Variants in RGS6 observed in about 807,000 individuals in gnomAD.
RGS6 encodes the protein regulator of G-protein signaling 6.
RGS6 carries 30 observed loss-of-function variants against 78.5 expected under a neutral mutation model. The ratio of observed to expected loss-of-function variants is 0.38; its 90% CI spans 0.29 to 0.52. The LOEUF is 0.52. RGS6 is among the 20% of genes least tolerant of loss of function. The pLI, the probability that RGS6 is intolerant of heterozygous loss-of-function variation, is 0.85. For synonymous variants in RGS6, 206 were observed against 206.0 expected (o/e 1.00, Z 0.00); for missense variants, 495 against 609.7 (o/e 0.81, Z 1.98).
chr14:72,282,670 A>G (rs766589010), intron 2 of RGS6, among the ~76,000 whole-genome samples: 1 of 152,244 alleles, frequency 6.6e-6, no homozygotes, highest in Admixed American at 6.5e-5. Context: ...GAGTTTGGAC[A>G]TATGCAATTA....
chr14:72,007,145 C>G (rs2084724553), intron 2 of RGS6, among the ~76,000 whole-genome samples: 1 of 92,544 alleles, frequency 1.1e-5, no homozygotes, highest in South Asian at 5.3e-4. Context: ...GCTGAAAGTG[C>G]TTTCTGATTT....
At chr14:71,875,594 A>G in the RGS6 span, among the ~76,000 whole-genome samples, 2 of 152,118 alleles carry the variant, frequency 1.3e-5, no homozygotes, top group African/African-American at 4.8e-5. Context: ...TCAAAAAACC[A>G]GCTCCTGGAT....
chr14:72,333,972 A>T (rs954949752), intron 2 of RGS6, among the ~76,000 whole-genome samples: 5 of 152,140 alleles, frequency 3.3e-5, no homozygotes, highest in Non-Finnish European at 2.9e-5. Context: ...TCTCAAGTGG[A>T]AGTTGTCTCT....
At chr14:71,898,702 G>A in the RGS6 span, among the ~76,000 whole-genome samples, 3 of 151,788 alleles carry the variant, frequency 2.0e-5, no homozygotes, top group Non-Finnish European at 2.9e-5. Flanking sequence ...GGTGTGTGAT[G>A]TTCCCTTCCC....
At position 72,485,604 on chromosome 14, in the gene RGS6, C is replaced by T. The variant is rs184268920; in HGVS notation, c.854+7275C>T. 7.5e-4 allele frequency among the ~76,000 whole-genome samples: 115 copies of T among 152,338 alleles called. 1 individual carries two copies. The highest frequency in any genetic ancestry group is 2.4e-3 in the African/African-American group (100 of 41,586). On this transcript the variant is annotated intron_variant, in intron 12 of 17. Transcript: ENST00000553525. ...AGGGCTGCCTTGATGAACTTGCCTT[C>T]ACACTCCCATCACCTTCATTCCCTT...
In RGS6 at chr14:72,287,926, G is replaced by T. The variant is rs117468685; in HGVS notation, c.85-64169G>T. Among the ~76,000 whole-genome samples, 353 of 152,316 alleles carry T rather than the reference G, an allele frequency of 2.3e-3. 10 individuals are homozygous for T. The East Asian group carries it at 0.062, about 27-fold the overall frequency. On this transcript the variant is annotated intron_variant, in intron 2 of 17. Transcript: ENST00000553525. ...ATTTGCATATGTCAAACTATCATCA[G>T]ATCCCAGAAATAAATCCCACTTGGT...
intron 2 of RGS6, among the ~76,000 whole-genome samples, chr14:72,164,512 C>G (rs2096898299): frequency 6.6e-6 from 1 of 152,168 alleles, no homozygotes. Context: ...TGTCAAACAT[C>G]TTAAGGGAAT....
At chr14:72,141,297 C>T (rs549274636) in intron 2 of RGS6, among the ~76,000 whole-genome samples, 1 of 152,270 alleles carries the variant, frequency 6.6e-6, no homozygotes, top group East Asian at 1.9e-4. Flanking sequence ...ATCTATGCCT[C>T]AAGAACTCCA....
intron 2 of RGS6, among the ~76,000 whole-genome samples, chr14:72,090,785 T>C (rs570770098): frequency 6.6e-6 from 1 of 152,292 alleles, no homozygotes; most frequent in South Asian, 2.1e-4. Context: ...GGAGTGTTAC[T>C]AGGGCCCACC....
At chr14:72,503,687 C>T (rs1436121864) in intron 13 of RGS6, among the ~76,000 whole-genome samples, 1 of 152,234 alleles carries the variant, frequency 6.6e-6, no homozygotes, top group Admixed American at 6.5e-5. Flanking sequence ...GAATAATTCT[C>T]TTTGGCTCAA....
chr14:72,158,398 A>G (rs1451934700), intron 2 of RGS6, among the ~76,000 whole-genome samples: 1 of 152,174 alleles, frequency 6.6e-6, no homozygotes, highest in African/African-American at 2.4e-5. Context: ...CCTGTCTCCA[A>G]AGATGGTCAT....
At chr14:72,319,776 C>T (rs1303782631) in intron 2 of RGS6, among the ~76,000 whole-genome samples, 1 of 152,086 alleles carries the variant, frequency 6.6e-6, no homozygotes, top group East Asian at 1.9e-4. Context: ...GAAACAACAG[C>T]TTAAAAGTAT....
At chr14:72,410,743 G>C (rs1206394995) in intron 3 of RGS6, among the ~76,000 whole-genome samples, 1 of 152,186 alleles carries the variant, frequency 6.6e-6, no homozygotes, top group Admixed American at 6.5e-5. Context: ...ATTAATTTTT[G>C]TATAAGGTGT....
At chr14:71,975,400 TTTCTTTTTAATTTA>T (rs2094057739) in intron 2 of RGS6, among the ~76,000 whole-genome samples, 1 of 152,190 alleles carries the variant, frequency 6.6e-6, no homozygotes, top group Non-Finnish European at 1.5e-5. Context: ...AAGGTGTGAT[TTTCTTTTTAATTTA>T]TTCTCCTTAG....
intron 2 of RGS6, among the ~76,000 whole-genome samples, chr14:72,003,174 C>T (rs190571830): frequency 4.6e-5 from 7 of 152,222 alleles, no homozygotes; most frequent in South Asian, 2.1e-4. Flanking sequence ...AGTAGAGCTG[C>T]GGCTACTATT....
At chr14:72,271,512 A>T (rs2059930448) in intron 2 of RGS6, among the ~76,000 whole-genome samples, 1 of 152,246 alleles carries the variant, frequency 6.6e-6, no homozygotes, top group African/African-American at 2.4e-5. Flanking sequence ...AACCATATCA[A>T]CCACTGTAGA....
chr14:72,056,462 A>C (rs566557239), intron 2 of RGS6, among the ~76,000 whole-genome samples: 8 of 152,274 alleles, frequency 5.3e-5, no homozygotes, highest in African/African-American at 1.4e-4. Flanking sequence ...GGTGTGTTAC[A>C]CTCTGAACAT....
At chr14:72,144,398 C>G (rs530457697) in intron 2 of RGS6, among the ~76,000 whole-genome samples, 26 of 152,298 alleles carry the variant, frequency 1.7e-4, no homozygotes, top group African/African-American at 5.5e-4. Context: ...ATGAATGTTA[C>G]CCTGTCCCTA....
At chr14:72,521,693 T>G (rs915420646) in intron 15 of RGS6, among the ~76,000 whole-genome samples, 1 of 152,230 alleles carries the variant, frequency 6.6e-6, no homozygotes, top group African/African-American at 2.4e-5. Context: ...CTGAAGTGTA[T>G]TTCCACCATA....
Sources: allele counts gnomAD v4.1 joint callset (sites outside exome capture counted in the v4.1 genomes callset), GRCh38; gene constraint gnomAD v4.1.1; transcripts MANE v1.5; gene names NCBI Gene and HGNC (gene_info 2026-07-23, HGNC 2026-07-21).